Variants in GPR39 observed in about 807,000 individuals in gnomAD.
GPR39 encodes G protein-coupled receptor 39.
A neutral mutation model predicts 18.4 loss-of-function variants in GPR39; 23 were observed. The observed-to-expected ratio is 1.25, with a 90% CI of 0.90 to 1.77. The LOEUF is 1.77. Among genes scored for constraint, GPR39 ranks in the 40% most tolerant of loss-of-function variants. The pLI, the probability that GPR39 is intolerant of heterozygous loss-of-function variation, is 0.00. For synonymous variants in GPR39, 280 were observed against 257.9 expected (o/e 1.09, Z -0.82); for missense variants, 647 against 602.4 (o/e 1.07, Z -0.78).
intron 1 of GPR39, among the ~76,000 whole-genome samples, chr2:132,439,407 G>A (rs1164177827): frequency 6.6e-6 from 1 of 152,216 alleles, no homozygotes; most frequent in Admixed American, 6.5e-5. Context: ...GGCTGTGAAG[G>A]AGGACAGATT....
At chr2:132,618,597 A>G (rs1157677168) in intron 1 of GPR39, among the ~76,000 whole-genome samples, 2 of 152,178 alleles carry the variant, frequency 1.3e-5, no homozygotes, top group South Asian at 2.1e-4. Flanking sequence ...AGGGAAACCG[A>G]GGCCACTGCT....
At chr2:132,534,660 T>TA (rs1201058167) in intron 1 of GPR39, among the ~76,000 whole-genome samples, 1 of 151,856 alleles carries the variant, frequency 6.6e-6, no homozygotes, top group Non-Finnish European at 1.5e-5. Context: ...TATGCAGCCA[T>TA]AAAAAATGAT....
chr2:132,568,250 C>G (rs1206904479), intron 1 of GPR39, among the ~76,000 whole-genome samples: 1 of 152,068 alleles, frequency 6.6e-6, no homozygotes, highest in African/African-American at 2.4e-5. Flanking sequence ...GAAAAAGTGT[C>G]TCACCTTTAG....
At chr2:132,524,772 A>G (rs1444246302) in intron 1 of GPR39, among the ~76,000 whole-genome samples, 1 of 152,202 alleles carries the variant, frequency 6.6e-6, no homozygotes, top group African/African-American at 2.4e-5. Flanking sequence ...AAGATGTAGG[A>G]AGCACAGAGA....
Position 132,440,480 on chromosome 2 carries a change from G to A in GPR39, c.856+22582G>A, listed in dbSNP as rs1172510907. The stretch of plus-strand genomic sequence containing the variant: ...AGGGGCAGCTTTTTAGGGGAAGGAT[G>A]TATAAGTTGGGTGACAGATTGATGC... On this transcript the variant is annotated intron_variant, in intron 1 of 1. Transcript: ENST00000329321. 2.6e-5 allele frequency among the ~76,000 whole-genome samples: 4 copies of A among 152,140 alleles called. No homozygotes were observed. In the East Asian group the frequency reaches 5.8e-4, roughly 22 times the overall value.
At chr2:132,595,942 G>C (rs937726012) in intron 1 of GPR39, among the ~76,000 whole-genome samples, 3 of 152,106 alleles carry the variant, frequency 2.0e-5, no homozygotes, top group African/African-American at 4.8e-5. Context: ...GGAGCTGCTG[G>C]TAAGAGCTCA....
rs184260423 is a variant in GPR39, at chr2:132,492,598, C to T, written c.856+74700C>T. On this transcript the variant is annotated intron_variant, in intron 1 of 1. Coordinates refer to ENST00000329321, the MANE Select transcript of GPR39 (RefSeq NM_001508.3). Reference sequence around the variant, plus strand: ...ATATATATACACACCATATATATACCATATATACACACCATCTATATATAC... The same window carrying T: ...ATATATATACACACCATATATATACTATATATACACACCATCTATATATAC... Among the ~76,000 whole-genome samples, 175 of 113,808 alleles carry T rather than the reference C, an allele frequency of 1.5e-3. 3 individuals carry two copies. Among genetic ancestry groups the T allele is most frequent in the African/African-American group, 5.4e-3 (164 of 30,616 alleles). 74.7% of individuals were successfully genotyped at this position (113,808 alleles called of 152,430 possible).
chr2:132,554,486 G>A (rs1168654989), intron 1 of GPR39, among the ~76,000 whole-genome samples: 1 of 152,138 alleles, frequency 6.6e-6, no homozygotes, highest in African/African-American at 2.4e-5. Flanking sequence ...ATGAATGAGG[G>A]GATTTATGTA....
chr2:132,504,693 C>T (rs1030959006), intron 1 of GPR39, among the ~76,000 whole-genome samples: 3 of 152,122 alleles, frequency 2.0e-5, no homozygotes, highest in Non-Finnish European at 4.4e-5. Context: ...TGTGTTTGCA[C>T]ATAAAATAGA....
At chr2:132,586,965 T>C (rs991207298) in intron 1 of GPR39, among the ~76,000 whole-genome samples, 2 of 152,242 alleles carry the variant, frequency 1.3e-5, no homozygotes, top group Non-Finnish European at 1.5e-5. Flanking sequence ...CAATGGAAAG[T>C]AGGATTTTAA....
At chr2:132,476,129 A>T (rs1479357412) in intron 1 of GPR39, among the ~76,000 whole-genome samples, 1 of 151,896 alleles carries the variant, frequency 6.6e-6, no homozygotes, top group South Asian at 2.1e-4. Flanking sequence ...TTACCTTTCC[A>T]CATTCATGGA....
At chr2:132,640,194 A>G (rs1411601874) in intron 1 of GPR39, among the ~76,000 whole-genome samples, 3 of 152,234 alleles carry the variant, frequency 2.0e-5, no homozygotes, top group African/African-American at 7.2e-5. Context: ...ATGGTGTCAG[A>G]TACATCAATG....
chr2:132,498,623 A>G (rs1470380364), intron 1 of GPR39, among the ~76,000 whole-genome samples: 1 of 152,126 alleles, frequency 6.6e-6, no homozygotes, highest in Non-Finnish European at 1.5e-5. Context: ...CGGTTGACCT[A>G]CTTTTAGTTC....
chr2:132,631,824 C>CTTTT (rs796381645), intron 1 of GPR39, among the ~76,000 whole-genome samples: 3 of 141,854 alleles, frequency 2.1e-5, no homozygotes, highest in African/African-American at 5.2e-5. Context: ...TCTTCTTCTT[C>CTTTT]TTTTTTTTTT....
At chr2:132,620,611 A>C (rs1381988656) in intron 1 of GPR39, among the ~76,000 whole-genome samples, 1 of 152,102 alleles carries the variant, frequency 6.6e-6, no homozygotes, top group East Asian at 1.9e-4. Flanking sequence ...CTGTGTCTAC[A>C]AGTTGTCTTC....
chr2:132,528,299 T>G (rs1679548644), intron 1 of GPR39, among the ~76,000 whole-genome samples: 1 of 152,224 alleles, frequency 6.6e-6, no homozygotes, highest in African/African-American at 2.4e-5. Flanking sequence ...ATGTCTTTTT[T>G]GGTACAAGTA....
intron 1 of GPR39, among the ~76,000 whole-genome samples, chr2:132,530,032 C>G (rs1221829160): frequency 2.6e-5 from 4 of 152,058 alleles, no homozygotes; most frequent in South Asian, 2.1e-4. Flanking sequence ...AGAGAAGAAG[C>G]CTTCAGAAGA....
chr2:132,550,643 G>A (rs560804091), intron 1 of GPR39, among the ~76,000 whole-genome samples: 6 of 152,244 alleles, frequency 3.9e-5, no homozygotes, highest in Admixed American at 1.3e-4. Context: ...TCAGTTTATC[G>A]TTTACATAGA....
At chr2:132,557,837 T>C (rs1035897409) in intron 1 of GPR39, among the ~76,000 whole-genome samples, 4 of 152,194 alleles carry the variant, frequency 2.6e-5, no homozygotes, top group African/African-American at 9.7e-5. Flanking sequence ...TTTATCCGCG[T>C]TTCTCGTGAC....
Sources: allele counts gnomAD v4.1 joint callset (sites outside exome capture counted in the v4.1 genomes callset), GRCh38; gene constraint gnomAD v4.1.1; transcripts MANE v1.5; gene names NCBI Gene and HGNC (gene_info 2026-07-23, HGNC 2026-07-21).